COL5A1: variants seen among roughly 807,000 people sequenced by gnomAD.
COL5A1 encodes the protein collagen alpha-1(V) chain.
COL5A1 carries 16 observed loss-of-function variants against 263.7 expected under a neutral mutation model. That is an observed-to-expected ratio of 0.06 (90% confidence interval 0.04 to 0.09). The LOEUF (loss-of-function observed/expected upper bound fraction) is 0.09. Among genes scored for constraint, COL5A1 ranks in the 10% least tolerant of loss-of-function variants. COL5A1 has a pLI of 1.00. For missense variants in COL5A1, 2,036 were observed against 2,540.5 expected (o/e 0.80, Z 4.27); for synonymous variants, 1,012 against 1,004.5 (o/e 1.01, Z -0.14).
intron 34 of COL5A1, 130 bp downstream of exon 34, chr9:134,795,445 G>A (rs1450321846): frequency 1.2e-6 from 1 of 805,098 alleles, no homozygotes; most frequent in Non-Finnish European, 1.9e-6. Flanking sequence ...CATTTTCTTA[G>A]GTGTGTTTAA....
At chr9:134,822,717 TGC>T (rs1491493628) in intron 59 of COL5A1, among the ~76,000 whole-genome samples, 74 of 100,728 alleles carry the variant, frequency 7.3e-4, no homozygotes, top group Middle Eastern at 0.01. Flanking sequence ...TCTTTTCCGC[TGC>T]GCCCCCCCCG....
In COL5A1 at chr9:134,842,323, C is replaced by A; in HGVS notation, c.*20C>A. On this transcript the variant is annotated 3_prime_UTR_variant, in exon 66 of 66. Transcript: ENST00000371817. The surrounding 1 kb of genome is among the most constrained non-coding windows in gnomAD (Gnocchi z 5.8). ...GGCTAGGAGCCGCCGAGCCCGGGCT[C>A]CCGAGAGCAACCTCGTGACCTCAGC... The A allele has an allele frequency of 6.2e-7, 1 of 1,613,774 alleles. No individual in the cohort carries two copies. Among genetic ancestry groups the A allele is most frequent in the Non-Finnish European group, 8.5e-7 (1 of 1,179,910 alleles).
At chr9:134,714,827 TG>T (rs1834204686) in intron 4 of COL5A1, among the ~76,000 whole-genome samples, 1 of 146,318 alleles carries the variant, frequency 6.8e-6, no homozygotes, top group African/African-American at 2.5e-5. Context: ...GAGGCGATGA[TG>T]GTGGTGGTGG....
chr9:134,817,003 T>C, intron 52 of COL5A1, 23 bp from the exon 53 acceptor site: 1 of 1,612,684 alleles, frequency 6.2e-7, no homozygotes, highest in Non-Finnish European at 8.5e-7. Flanking sequence ...TTCCTCACAC[T>C]CTGTTCTTTC....
At chr9:134,706,640 C>A (rs145256873) in intron 4 of COL5A1, among the ~76,000 whole-genome samples, 1 of 152,206 alleles carries the variant, frequency 6.6e-6, no homozygotes, top group African/African-American at 2.4e-5. Flanking sequence ...ATTGGGACCT[C>A]GGAAATCATG....
chr9:134,749,410 C>T (rs1020871974), intron 11 of COL5A1, among the ~76,000 whole-genome samples: 1 of 152,160 alleles, frequency 6.6e-6, no homozygotes, highest in African/African-American at 2.4e-5. Flanking sequence ...TAAATGTGTA[C>T]CTTAAGCCAT....
intron 4 of COL5A1, among the ~76,000 whole-genome samples, chr9:134,715,729 G>A (rs527582552): frequency 7.0e-4 from 106 of 152,302 alleles, no homozygotes; most frequent in African/African-American, 2.4e-3. Flanking sequence ...ACCTTGAGTC[G>A]ACACAGCACA....
chr9:134,810,145 A>T, intron 43 of COL5A1, 110 bp from the exon 44 acceptor site: 1 of 1,203,550 alleles, frequency 8.3e-7, no homozygotes, highest in Non-Finnish European at 1.2e-6. Flanking sequence ...TTTTAGGGCC[A>T]CCTGGAAAGG....
At chr9:134,812,305 C>T (rs990491613) in intron 46 of COL5A1, 144 bp from the exon 47 acceptor site, 10 of 781,032 alleles carry the variant, frequency 1.3e-5, no homozygotes, top group South Asian at 5.8e-5. Context: ...GGGACGTCCT[C>T]GTGGGTAGCT....
intron 63 of COL5A1, among the ~76,000 whole-genome samples, chr9:134,828,017 G>GT (rs764353663): frequency 1.2e-4 from 18 of 152,184 alleles, no homozygotes; most frequent in Admixed American, 3.9e-4. Flanking sequence ...AGGCTGGGGG[G>GT]ATCAGCCAGG....
chr9:134,761,992 C>T lies in COL5A1; in HGVS notation c.1989+14C>T, dbSNP rs760097348. 7 of 1,612,948 alleles carry T rather than the reference C, an allele frequency of 4.3e-6. No individual in the cohort carries two copies. Among genetic ancestry groups the T allele is most frequent in the Middle Eastern group, 1.7e-4 (1 of 6,058 alleles). On this transcript the variant is annotated intron_variant, in intron 19 of 65. Transcript: ENST00000371817. ...GATGGAGAAAGGGTAGGTATTCTGC[C>T]GTCCCTCCGACTGCTCCTGCCTGCC...
rs778536488 is a variant in COL5A1 at position 134,731,463 on chromosome 9, G to C, written c.1165-33G>C. 93 of 1,612,634 alleles carry C rather than the reference G, an allele frequency of 5.8e-5. 1 individual carries two copies. The South Asian group carries it at 9.7e-4, about 17-fold the overall frequency. On this transcript the variant is annotated intron_variant, in intron 7 of 65. Coordinates refer to ENST00000371817, the MANE Select transcript of COL5A1 (RefSeq NM_000093.5). ...GAGAGGCAGTGCCTGGTGCGTTTGCGAGGCAACCCTGCGCCTTCCTCTCCC... is the reference window on the plus strand; with the variant it reads ...GAGAGGCAGTGCCTGGTGCGTTTGCCAGGCAACCCTGCGCCTTCCTCTCCC...
At chr9:134,778,157 G>A (rs556177626) in intron 27 of COL5A1, among the ~76,000 whole-genome samples, 11 of 152,330 alleles carry the variant, frequency 7.2e-5, no homozygotes, top group African/African-American at 2.2e-4. Context: ...GTCAGCCAGC[G>A]TGGCCCTACC....
At position 134,817,004 on chromosome 9, in the gene COL5A1, CTG is replaced by C. The variant is rs1278682802; in HGVS notation, c.4123-20_4123-19del. 1 of 1,612,692 alleles carries C rather than the reference CTG, an allele frequency of 6.2e-7. No individual in the cohort carries two copies. Among genetic ancestry groups the C allele is most frequent in the African/African-American group, 1.3e-5 (1 of 74,906 alleles). On this transcript the variant is annotated intron_variant, in intron 52 of 65. Transcript: ENST00000371817. ...CTAACGGGCCCCAATTCCTCACACT[CTG>C]TTCTTTCTCCCAATACCAGGGATCC...
Position 134,736,210 on chromosome 9 carries a change from T to C in COL5A1, c.1390-2264T>C, listed in dbSNP as rs537989190. On this transcript the variant is annotated intron_variant, in intron 9 of 65. Transcript: ENST00000371817. ...TTGACTTGTCAGAAGTGAGCTTAGT[T>C]CATTGTGAGCTGCTGTTACAGCACA... Among the ~76,000 whole-genome samples the C allele has an allele frequency of 2.8e-3, 422 of 152,408 alleles. 1 individual carries two copies. The highest frequency in any genetic ancestry group is 9.9e-3 in the African/African-American group (410 of 41,606).
intron 1 of COL5A1, among the ~76,000 whole-genome samples, chr9:134,685,067 T>TCCATCCA (rs1832975271): frequency 5.2e-5 from 1 of 19,088 alleles, no homozygotes; most frequent in Admixed American, 4.7e-4. Flanking sequence ...CATCCATCCA[T>TCCATCCA]CCATCCATCC....
At chr9:134,814,692 TG>T in intron 49 of COL5A1, 104 bp from the exon 50 acceptor site, 2 of 879,932 alleles carry the variant, frequency 2.3e-6, no homozygotes. Context: ...AGCAGATACT[TG>T]GAAAGGCTGG....
intron 18 of COL5A1, among the ~76,000 whole-genome samples, chr9:134,761,096 A>G (rs1224274576): frequency 1.4e-5 from 2 of 139,226 alleles, no homozygotes; most frequent in Non-Finnish European, 3.0e-5. Flanking sequence ...CACACACCCC[A>G]CACATGCACA....
intron 58 of COL5A1, 36 bp downstream of exon 58, chr9:134,820,259 G>T: frequency 6.4e-7 from 1 of 1,556,432 alleles, no homozygotes; most frequent in South Asian, 1.1e-5. Context: ...GTGGGCTGTC[G>T]AGAGGCATTT....
Sources: gnomAD v4.1 joint callset for allele counts (sites outside exome capture counted in the v4.1 genomes callset) on GRCh38, gnomAD v4.1.1 for gene constraint, Gnocchi (gnomAD v3.1) non-coding constraint, MANE v1.5 for transcripts, NCBI Gene and HGNC (gene_info 2026-07-23, HGNC 2026-07-21) for gene names.